CFAP47: variants seen among roughly 807,000 people sequenced by gnomAD.
The protein encoded by CFAP47 is cilia and flagella associated protein 47.
A neutral mutation model predicts 148.1 loss-of-function variants in CFAP47; 29 were observed. The observed-to-expected ratio is 0.20, with a 90% CI of 0.15 to 0.27. The LOEUF is 0.27. CFAP47 is among the 10% of genes least tolerant of loss of function. The pLI is 1.00. For missense variants in CFAP47, 1,872 were observed against 1,697.5 expected, an observed-to-expected ratio of 1.10 and a Z score of -1.81; for synonymous variants, 664 against 577.3, an observed-to-expected ratio of 1.15 and a Z score of -2.15.
chrX:36,135,008 C>G (rs754026278), intron 33 of CFAP47, among the ~76,000 whole-genome samples: 11 of 111,342 alleles, frequency 9.9e-5, no homozygotes, highest in African/African-American at 3.6e-4. Context: ...CCAGAAATCT[C>G]TTTTCCAGCT....
intron 33 of CFAP47, among the ~76,000 whole-genome samples, chrX:36,134,075 G>C (rs1293741906): frequency 4.5e-5 from 5 of 110,623 alleles, no homozygotes; most frequent in Non-Finnish European, 9.5e-5. Context: ...AAATACTTAA[G>C]TATCTAATAT....
chrX:36,192,907 A>C lies in CFAP47; in HGVS notation c.6321+2711A>C, dbSNP rs190340157. Reference sequence around the variant, plus strand: ...AGTGAGTTTCAGCCTTGCCAAGTCAAGTTGGAGGTTAACAGGGAAAGCATG... The same window carrying C: ...AGTGAGTTTCAGCCTTGCCAAGTCACGTTGGAGGTTAACAGGGAAAGCATG... On this transcript the variant is annotated intron_variant, in intron 42 of 63. Coordinates refer to ENST00000378653, the MANE Select transcript of CFAP47 (RefSeq NM_001304548.2). 3.3e-3 allele frequency among the ~76,000 whole-genome samples: 369 copies of C among 112,168 alleles called. 1 individual carries two copies. Among genetic ancestry groups the C allele is most frequent in the African/African-American group, 0.011 (328 of 30,868 alleles).
intron 18 of CFAP47, among the ~76,000 whole-genome samples, chrX:35,994,314 G>A (rs892593306): frequency 1.8e-5 from 2 of 111,676 alleles, no homozygotes; most frequent in Non-Finnish European, 3.8e-5. Flanking sequence ...TTCTGTAAGT[G>A]ATAAATAAAA....
chrX:35,951,717 G>A, intron 5 of CFAP47, 86 bp from the exon 6 acceptor site: 1 of 940,128 alleles, frequency 1.1e-6, no homozygotes, highest in Non-Finnish European at 1.4e-6. Flanking sequence ...CTAGATTCTG[G>A]AATTTCAATA....
intron 45 of CFAP47, among the ~76,000 whole-genome samples, chrX:36,208,586 G>A (rs994983727): frequency 4.5e-5 from 5 of 111,784 alleles, no homozygotes; most frequent in African/African-American, 1.6e-4. Flanking sequence ...ATTTTACGAA[G>A]ATTAAATACA....
In CFAP47 at chrX:35,951,291, T is replaced by C; in HGVS notation, c.817T>C (p.Tyr273His). The change falls in exon 5 of 64, where the codon TAC becomes CAC. Residue 273 changes from tyrosine to histidine, a missense_variant. Tyr to His is a moderately conservative substitution (Grantham distance 83). Coordinates refer to ENST00000378653, the MANE Select transcript of CFAP47 (RefSeq NM_001304548.2). Reference sequence around the variant, plus strand: ...ATCAAAAATTAAACATGCACGTGTATACAATAATAGCCCAGAGCCCATAAA... The same window carrying C: ...ATCAAAAATTAAACATGCACGTGTACACAATAATAGCCCAGAGCCCATAAA... ...GSSKIKHARV[Y>H]NNSPEPINWV... The C allele has an allele frequency of 8.3e-7, 1 of 1,210,626 alleles. No homozygotes were observed. Among genetic ancestry groups the C allele is most frequent in the Non-Finnish European group, 1.1e-6 (1 of 894,902 alleles).
intron 25 of CFAP47, among the ~76,000 whole-genome samples, chrX:36,039,876 C>G (rs1051520297): frequency 2.7e-5 from 3 of 111,924 alleles, no homozygotes; most frequent in African/African-American, 9.7e-5. Context: ...CTGATTATGT[C>G]AGACCCATCC....
chrX:36,244,130 G>A (rs5973620), intron 48 of CFAP47, among the ~76,000 whole-genome samples: 24,694 of 110,254 alleles, frequency 0.22, 4,955 homozygotes, highest in African/African-American at 0.65. Context: ...TTGCGCCTGA[G>A]TAACTGCTGG....
In CFAP47 at chrX:36,236,793, A is replaced by C. The variant is rs1441221845; in HGVS notation, c.7266A>C (p.Gln2422His). 3 of 518,307 alleles carry C rather than the reference A, an allele frequency of 5.8e-6. No individual in the cohort carries two copies. The highest frequency in any genetic ancestry group is 2.7e-5 in the Admixed American group (1 of 36,457). 42.7% of individuals were successfully genotyped at this position (518,307 alleles called of 1,213,427 possible). Residue 2422 changes from glutamine (Q) to histidine (H), a missense_variant, in exon 48 of 64, where the codon CAA becomes CAC. Transcript: ENST00000378653. Reference sequence around the variant, plus strand: ...TGGAACACATCACTGTGGAATGTCAAGTGGGGAATGTGACACAAAAGCATA... The same window carrying C: ...TGGAACACATCACTGTGGAATGTCACGTGGGGAATGTGACACAAAAGCATA... ...SALEHITVEC[Q>H]VGNVTQKHIT...
At chrX:36,135,450 C>T (rs1421570631) in intron 33 of CFAP47, among the ~76,000 whole-genome samples, 1 of 111,510 alleles carries the variant, frequency 9.0e-6, no homozygotes, top group East Asian at 2.8e-4. Context: ...TACAGTACTA[C>T]TCAACAATGA....
intron 33 of CFAP47, among the ~76,000 whole-genome samples, chrX:36,124,000 T>A (rs988264466): frequency 9.0e-6 from 1 of 111,494 alleles, no homozygotes; most frequent in African/African-American, 3.3e-5. Context: ...TGGTTAGTGG[T>A]TGATGAATCC....
At chrX:36,035,911 A>C in intron 24 of CFAP47, 57 bp downstream of exon 24, 1 of 288,045 alleles carries the variant, frequency 3.5e-6, no homozygotes, top group Non-Finnish European at 6.1e-6. Context: ...TTCATATATG[A>C]AATTGTTTTA....
In CFAP47 at chrX:36,353,581, A is replaced by G. The variant is rs6527558; in HGVS notation, c.8751A>G (p.Ile2917Met). The G allele has an allele frequency of 5.5e-3, 6,337 of 1,161,981 alleles. 212 individuals are homozygous for G. The African/African-American group carries it at 0.1, about 19-fold the overall frequency. Residue 2917 changes from isoleucine to methionine, a missense_variant, in exon 60 of 64, where the codon ATA (isoleucine) becomes ATG (methionine). By Grantham distance (10) the Ile-to-Met change is conservative. Transcript: ENST00000378653. ...GGGCAGAAGAGAAGGTAGAAATCAT[A>G]CTGAATGCTGGTTTTTTCGGATTTA... ...RKRAEEKVEI[I>M]LNAGFFGFSL...
rs782525230 is a variant in CFAP47 at position 36,193,737 on chromosome X, G to A, written c.6321+3541G>A. On this transcript the variant is annotated intron_variant, in intron 42 of 63. Transcript: ENST00000378653. ...TTCTCAGCTCCCTTCATACTGCAAG[G>A]CCTTTTTGCTCTTCAGCCACCCTCC... Among the ~76,000 whole-genome samples the A allele has an allele frequency of 5.4e-3, 604 of 111,608 alleles. 3 individuals carry two copies. The highest frequency in any genetic ancestry group is 7.8e-3 in the Non-Finnish European group (416 of 53,119).
At chrX:36,190,608 C>T (rs1309040356) in intron 42 of CFAP47, among the ~76,000 whole-genome samples, 3 of 112,335 alleles carry the variant, frequency 2.7e-5, no homozygotes, top group Non-Finnish European at 5.6e-5. Flanking sequence ...GAGCTGGATT[C>T]TCTTCAGAGG....
chrX:36,094,921 G>T (rs187022847), intron 30 of CFAP47, among the ~76,000 whole-genome samples: 315 of 111,123 alleles, frequency 2.8e-3, no homozygotes, highest in African/African-American at 9.9e-3. Context: ...TTCAATGACA[G>T]TGATGAAAGT....
intron 27 of CFAP47, among the ~76,000 whole-genome samples, chrX:36,071,579 A>G (rs1937753009): frequency 8.9e-6 from 1 of 112,224 alleles, no homozygotes; most frequent in Non-Finnish European, 1.9e-5. Context: ...ATGTACCATA[A>G]CAATTGCCTT....
intron 56 of CFAP47, among the ~76,000 whole-genome samples, chrX:36,317,221 G>A (rs1556011153): frequency 9.0e-6 from 1 of 111,280 alleles, no homozygotes; most frequent in East Asian, 2.8e-4. Context: ...TAGCCAATCA[G>A]GATAAGCATG....
chrX:36,382,608 A>G (rs1460986956), intron 63 of CFAP47, among the ~76,000 whole-genome samples: 1 of 111,385 alleles, frequency 9.0e-6, no homozygotes, highest in African/African-American at 3.3e-5. Context: ...CTATGCCTTA[A>G]ATATATAGCT....
Sources: gnomAD v4.1 joint callset for allele counts (sites outside exome capture counted in the v4.1 genomes callset) on GRCh38, gnomAD v4.1.1 for gene constraint, MANE v1.5 for transcripts, NCBI Gene and HGNC (gene_info 2026-07-23, HGNC 2026-07-21) for gene names.